RHOT1: variants seen among roughly 807,000 people sequenced by gnomAD.
The protein encoded by RHOT1 is ras homolog family member T1.
A neutral mutation model predicts 95.3 loss-of-function variants in RHOT1; 27 were observed. The ratio of observed to expected loss-of-function variants is 0.28; its 90% CI spans 0.21 to 0.39. The LOEUF (loss-of-function observed/expected upper bound fraction) is 0.39, where lower values mean the gene tolerates loss of function less well. Among genes scored for constraint, RHOT1 ranks in the 10% least tolerant of loss-of-function variants. The pLI, the probability that RHOT1 is intolerant of heterozygous loss-of-function variation, is 1.00. For synonymous variants in RHOT1, 227 were observed against 263.5 expected, an observed-to-expected ratio of 0.86 and a Z score of 1.34; for missense variants, 578 against 786.7, an observed-to-expected ratio of 0.73 and a Z score of 3.17.
intron 19 of RHOT1, among the ~76,000 whole-genome samples, chr17:32,211,883 A>G (rs2142913214): frequency 1.3e-5 from 2 of 152,300 alleles, no homozygotes; most frequent in East Asian, 3.9e-4. Flanking sequence ...AAGTAATCCT[A>G]TAAAGTAACA....
intron 18 of RHOT1, chr17:32,209,361 A>G: frequency 1.9e-6 from 3 of 1,603,690 alleles, no homozygotes; most frequent in South Asian, 1.1e-5. Context: ...GAGGATCATT[A>G]CAGAGACAGA....
intron 8 of RHOT1, among the ~76,000 whole-genome samples, chr17:32,185,230 C>G (rs2035948267): frequency 6.6e-6 from 1 of 152,172 alleles, no homozygotes. Flanking sequence ...CCTGCCTCAG[C>G]CTTCCAAGTA....
At chr17:32,170,740 A>G (rs1398182074) in intron 1 of RHOT1, among the ~76,000 whole-genome samples, 1 of 152,230 alleles carries the variant, frequency 6.6e-6, no homozygotes, top group Non-Finnish European at 1.5e-5. Flanking sequence ...CTATGATTCC[A>G]TTGTGGTAAA....
intron 6 of RHOT1, among the ~76,000 whole-genome samples, chr17:32,182,208 G>A (rs139467791): frequency 1.3e-5 from 2 of 152,126 alleles, no homozygotes; most frequent in East Asian, 3.9e-4. Flanking sequence ...GAATGATCAG[G>A]TTTATAGATC....
chr17:32,197,652 T>C (rs932429654), intron 11 of RHOT1, among the ~76,000 whole-genome samples: 3 of 152,028 alleles, frequency 2.0e-5, no homozygotes, highest in African/African-American at 7.2e-5. Flanking sequence ...ATGGTCTCAA[T>C]CTCTTGACCT....
chr17:32,172,172 A>T (rs1212565938), intron 2 of RHOT1, among the ~76,000 whole-genome samples: 1 of 151,602 alleles, frequency 6.6e-6, no homozygotes, highest in Non-Finnish European at 1.5e-5. Flanking sequence ...TTGATGTATC[A>T]TGTGATAGTG....
intron 8 of RHOT1, 85 bp downstream of exon 8, chr17:32,183,357 T>C: frequency 1.4e-6 from 1 of 710,714 alleles, no homozygotes; most frequent in Non-Finnish European, 2.1e-6. Flanking sequence ...TAAGTATTTG[T>C]GTAGAGATTA....
chr17:32,160,891 G>A (rs556758501), intron 1 of RHOT1, among the ~76,000 whole-genome samples: 8 of 152,298 alleles, frequency 5.3e-5, no homozygotes, highest in Non-Finnish European at 1.2e-4. Context: ...TGGGTGGAAC[G>A]AGCCCAGTGG....
chr17:32,168,043 G>A (rs2034244339), intron 1 of RHOT1, among the ~76,000 whole-genome samples: 1 of 151,386 alleles, frequency 6.6e-6, no homozygotes, highest in South Asian at 2.1e-4. Flanking sequence ...AGGAAAAAAA[G>A]AAAAGGAAAC....
At chr17:32,142,886 C>T in intron 1 of RHOT1, 157 bp downstream of exon 1, 1 of 767,886 alleles carries the variant, frequency 1.3e-6, no homozygotes, top group East Asian at 2.7e-5. Context: ...CTAGGCCTTC[C>T]AGCCCCTTCA....
intron 11 of RHOT1, among the ~76,000 whole-genome samples, chr17:32,196,310 C>T (rs2036885567): frequency 6.6e-6 from 1 of 152,036 alleles, no homozygotes; most frequent in Non-Finnish European, 1.5e-5. Context: ...CCCACTTCAG[C>T]CTGCCAAGTA....
At chr17:32,149,822 C>T (rs1292034848) in intron 1 of RHOT1, among the ~76,000 whole-genome samples, 4 of 151,642 alleles carry the variant, frequency 2.6e-5, no homozygotes, top group African/African-American at 9.7e-5. Context: ...GATCTCGGCT[C>T]ACTGTAACCT....
intron 1 of RHOT1, among the ~76,000 whole-genome samples, chr17:32,170,197 C>G (rs1424784016): frequency 6.6e-6 from 1 of 152,098 alleles, no homozygotes; most frequent in Non-Finnish European, 1.5e-5. Flanking sequence ...GGTAGATCAC[C>G]TGAGGTCAGG....
intron 14 of RHOT1, among the ~76,000 whole-genome samples, chr17:32,201,466 A>G (rs1598427866): frequency 1.3e-5 from 2 of 152,238 alleles, no homozygotes; most frequent in African/African-American, 2.4e-5. Context: ...AAAGTAAACC[A>G]TATGTATGGA....
At chr17:32,192,329 TATC>T (rs2142759587) in intron 9 of RHOT1, 30 bp downstream of exon 9, 4 of 1,048,700 alleles carry the variant, frequency 3.8e-6, no homozygotes, top group African/African-American at 1.7e-5. Flanking sequence ...GACATTTGCG[TATC>T]TTTTTTTTTT....
At chr17:32,189,427 A>T (rs1339145794) in intron 8 of RHOT1, among the ~76,000 whole-genome samples, 1 of 152,232 alleles carries the variant, frequency 6.6e-6, no homozygotes, top group Non-Finnish European at 1.5e-5. Context: ...TCTTACAAGA[A>T]TTTACCTCTG....
intron 16 of RHOT1, among the ~76,000 whole-genome samples, chr17:32,206,266 C>A (rs548507416): frequency 7.8e-6 from 1 of 127,852 alleles, no homozygotes; most frequent in Non-Finnish European, 1.6e-5. Context: ...AATGCAGCGG[C>A]GTGATCTCGG....
intron 1 of RHOT1, among the ~76,000 whole-genome samples, chr17:32,162,185 C>A (rs767642556): frequency 6.6e-6 from 1 of 152,072 alleles, no homozygotes; most frequent in Non-Finnish European, 1.5e-5. Context: ...TTTCTGGTGA[C>A]CAGCTCCCAT....
intron 6 of RHOT1, among the ~76,000 whole-genome samples, chr17:32,176,505 A>G (rs1201424487): frequency 6.6e-6 from 1 of 151,870 alleles, no homozygotes; most frequent in Non-Finnish European, 1.5e-5. Flanking sequence ...TAAATCTTAC[A>G]TTTCTCTTCC....
Sources: allele counts gnomAD v4.1 joint callset (sites outside exome capture counted in the v4.1 genomes callset), GRCh38; gene constraint gnomAD v4.1.1; transcripts MANE v1.5; gene names NCBI Gene and HGNC (gene_info 2026-07-23, HGNC 2026-07-21).